The following PKNOX2 variants were observed in gnomAD, a reference collection of about 807,000 sequenced individuals.
The protein encoded by PKNOX2 is PBX/knotted 1 homeobox 2, also known as homeobox protein PKNOX2.
In PKNOX2, 14 loss-of-function variants were observed where a neutral mutation model predicts 53.1. The observed-to-expected ratio is 0.26, with a 90% CI of 0.17 to 0.41. PKNOX2 has a LOEUF of 0.41. Ranked by LOEUF, PKNOX2 falls within the 10% of genes least tolerant of loss-of-function variation. PKNOX2 has a pLI of 1.00. For synonymous variants in PKNOX2, 257 were observed against 242.8 expected (o/e 1.06, Z -0.54); for missense variants, 496 against 602.8 (o/e 0.82, Z 1.85).
intron 7 of PKNOX2, among the ~76,000 whole-genome samples, chr11:125,403,764 C>T (rs893527595): frequency 1.3e-5 from 2 of 152,110 alleles, no homozygotes; most frequent in African/African-American, 4.8e-5. Flanking sequence ...GGGGTAGGGA[C>T]TACAGAGGAA....
At chr11:125,409,885 C>T (rs1331605039) in intron 7 of PKNOX2, among the ~76,000 whole-genome samples, 2 of 152,126 alleles carry the variant, frequency 1.3e-5, no homozygotes, top group Admixed American at 1.3e-4. Context: ...ACCCAAGCAT[C>T]ATTACTGGAG....
intron 6 of PKNOX2, among the ~76,000 whole-genome samples, chr11:125,393,538 G>A (rs915163156): frequency 2.6e-5 from 4 of 152,112 alleles, no homozygotes; most frequent in Admixed American, 6.5e-5. Flanking sequence ...CCAGGTCACC[G>A]TGTGGGGTTC....
intron 2 of PKNOX2, among the ~76,000 whole-genome samples, chr11:125,326,880 A>G (rs1467220361): frequency 1.3e-5 from 2 of 152,230 alleles, no homozygotes; most frequent in African/African-American, 4.8e-5. Context: ...CCACACCTCC[A>G]TAGCTCACCC....
chr11:125,224,137 G>A (rs1330853617), intron 1 of PKNOX2, among the ~76,000 whole-genome samples: 1 of 152,246 alleles, frequency 6.6e-6, no homozygotes, highest in East Asian at 1.9e-4. Context: ...GGATGTCTCA[G>A]GCGGACCTTC....
intron 2 of PKNOX2, among the ~76,000 whole-genome samples, chr11:125,315,769 C>T (rs1378686004): frequency 6.6e-6 from 1 of 152,158 alleles, no homozygotes; most frequent in African/African-American, 2.4e-5. Context: ...CAAGTGCTGA[C>T]TCTTTCTGCA....
chr11:125,308,711 G>C (rs1439257002), intron 2 of PKNOX2, among the ~76,000 whole-genome samples: 2 of 152,176 alleles, frequency 1.3e-5, no homozygotes, highest in Non-Finnish European at 2.9e-5. Context: ...TGGCATCTCT[G>C]ATTAGAGAGG....
At chr11:125,206,675 A>G (rs1458232983) in intron 1 of PKNOX2, among the ~76,000 whole-genome samples, 4 of 152,092 alleles carry the variant, frequency 2.6e-5, no homozygotes, top group East Asian at 1.9e-4. Context: ...CTAATCTGTT[A>G]AGAGGGCGAA....
intron 1 of PKNOX2, among the ~76,000 whole-genome samples, chr11:125,216,323 T>C (rs1940490480): frequency 6.6e-6 from 1 of 152,172 alleles, no homozygotes; most frequent in Non-Finnish European, 1.5e-5. Flanking sequence ...GGTGTGACCC[T>C]GGGCCCCTCT....
chr11:125,183,244 C>G lies in PKNOX2; in HGVS notation c.-201+18468C>G, dbSNP rs1465887507. ...TTTTTTTTTGAGACGGAGTCTCACT[C>G]TGTCGCCCAGGTCGGACTGCGGACT... is the stretch of plus-strand genomic sequence containing the variant. On this transcript the variant is annotated intron_variant, in intron 1 of 12. Coordinates refer to ENST00000298282, the MANE Select transcript of PKNOX2 (RefSeq NM_001382323.2). Among the ~76,000 whole-genome samples, 3 of 45,666 alleles carry G rather than the reference C, an allele frequency of 6.6e-5. 1 individual carries two copies. The highest frequency in any genetic ancestry group is 1.9e-4 in the Admixed American group (1 of 5,142). 30.0% of individuals were successfully genotyped at this position (45,666 alleles called of 152,430 possible).
chr11:125,409,919 A>G, intron 7 of PKNOX2: 1 of 310,456 alleles, frequency 3.2e-6, no homozygotes, highest in Middle Eastern at 1.0e-3. Context: ...GCCAAGGAGG[A>G]GACCATGGGG....
chr11:125,364,698 A>C (rs185016185), intron 4 of PKNOX2, among the ~76,000 whole-genome samples: 1 of 152,314 alleles, frequency 6.6e-6, no homozygotes, highest in East Asian at 1.9e-4. Context: ...CGTGTTTAAT[A>C]ATAACAACCT....
chr11:125,427,323 C>G (rs545630243), intron 10 of PKNOX2, among the ~76,000 whole-genome samples: 97 of 152,196 alleles, frequency 6.4e-4, no homozygotes, highest in Non-Finnish European at 9.3e-4. Context: ...GTATGAATCA[C>G]AAGTCCCAGC....
At chr11:125,286,317 C>T (rs537535000) in intron 2 of PKNOX2, among the ~76,000 whole-genome samples, 7 of 152,300 alleles carry the variant, frequency 4.6e-5, no homozygotes, top group Admixed American at 3.3e-4. Flanking sequence ...TTTAATAACT[C>T]AAATCATACC....
At chr11:125,413,281 G>A (rs1955671164) in intron 10 of PKNOX2, among the ~76,000 whole-genome samples, 1 of 152,232 alleles carries the variant, frequency 6.6e-6, no homozygotes, top group Admixed American at 6.5e-5. Flanking sequence ...AGGCCCCGCA[G>A]CAGGTCCAGC....
chr11:125,252,954 C>T (rs1201658632), intron 2 of PKNOX2, among the ~76,000 whole-genome samples: 2 of 152,232 alleles, frequency 1.3e-5, no homozygotes, highest in African/African-American at 4.8e-5. Flanking sequence ...CCAGGCAACA[C>T]AACTCATACC....
At chr11:125,224,800 C>T (rs1469176766) in intron 1 of PKNOX2, among the ~76,000 whole-genome samples, 1 of 152,224 alleles carries the variant, frequency 6.6e-6, no homozygotes, top group Non-Finnish European at 1.5e-5. Context: ...CCGTACACAT[C>T]TGTCTAACCT....
chr11:125,416,053 C>CTTGGG (rs1161453556), intron 10 of PKNOX2, among the ~76,000 whole-genome samples: 3 of 152,042 alleles, frequency 2.0e-5, no homozygotes, highest in Non-Finnish European at 4.4e-5. Flanking sequence ...CCTGTAATCC[C>CTTGGG]AGCACTTTGG....
chr11:125,394,890 C>G (rs1173714475), intron 6 of PKNOX2, among the ~76,000 whole-genome samples: 2 of 152,130 alleles, frequency 1.3e-5, no homozygotes. Context: ...CTTGTATAAC[C>G]ATAGCACAAT....
chr11:125,304,067 G>C (rs1443824219), intron 2 of PKNOX2, among the ~76,000 whole-genome samples: 1 of 151,374 alleles, frequency 6.6e-6, no homozygotes, highest in African/African-American at 2.4e-5. Flanking sequence ...GTGGTTGGCA[G>C]GGACCCTCTG....
Sources: allele counts gnomAD v4.1 joint callset (sites outside exome capture counted in the v4.1 genomes callset), GRCh38; gene constraint gnomAD v4.1.1; transcripts MANE v1.5; gene names NCBI Gene and HGNC (gene_info 2026-07-23, HGNC 2026-07-21).